TRAPPC3L: variants seen among roughly 807,000 people sequenced by gnomAD.
TRAPPC3L encodes the protein trafficking protein particle complex subunit 3L, also known as trafficking protein particle complex subunit 3-like protein.
A neutral mutation model predicts 23.7 loss-of-function variants in TRAPPC3L; 23 were observed. The observed-to-expected ratio is 0.97, with a 90% CI of 0.70 to 1.37. The LOEUF (loss-of-function observed/expected upper bound fraction) is 1.37. Ranked by LOEUF, TRAPPC3L falls within the 40% of genes most tolerant of loss-of-function variation. The pLI, the probability that TRAPPC3L is intolerant of heterozygous loss-of-function variation, is 0.00. For synonymous variants in TRAPPC3L, 81 were observed against 77.9 expected (o/e 1.04, Z -0.21); for missense variants, 212 against 216.8 (o/e 0.98, Z 0.14).
intron 3 of TRAPPC3L, among the ~76,000 whole-genome samples, chr6:116,531,357 C>A (rs1772712802): frequency 6.6e-6 from 1 of 151,806 alleles, no homozygotes; most frequent in African/African-American, 2.4e-5. Flanking sequence ...CTGTGAAACA[C>A]CAGAAGCAGT....
At chr6:116,523,315 T>A (rs1772379151) in intron 3 of TRAPPC3L, 1 of 152,224 alleles carries the variant, frequency 6.6e-6, no homozygotes, top group South Asian at 2.1e-4. Flanking sequence ...TTACTTCACA[T>A]AAGTTTTACA....
At chr6:116,526,830 A>C (rs575885849) in intron 3 of TRAPPC3L, among the ~76,000 whole-genome samples, 1 of 152,334 alleles carries the variant, frequency 6.6e-6, no homozygotes, top group Non-Finnish European at 1.5e-5. Flanking sequence ...AATAAATAGC[A>C]AAGCTATTGC....
chr6:116,537,555 G>A (rs1467014227), intron 3 of TRAPPC3L, among the ~76,000 whole-genome samples: 2 of 151,810 alleles, frequency 1.3e-5, no homozygotes, highest in African/African-American at 2.4e-5. Context: ...TTTCTTACTC[G>A]ATTCCTCTTC....
chr6:116,540,187 G>A (rs1260846921), intron 3 of TRAPPC3L, among the ~76,000 whole-genome samples, 176 bp downstream of exon 3: 1 of 152,136 alleles, frequency 6.6e-6, no homozygotes, highest in Non-Finnish European at 1.5e-5. Flanking sequence ...GCATCTTTCA[G>A]TTCACAGTAG....
At chr6:116,515,995 C>T in intron 3 of TRAPPC3L, 1 of 1,578,572 alleles carries the variant, frequency 6.3e-7, no homozygotes. Flanking sequence ...TGTAGCTCAT[C>T]CACCATCAAT....
At chr6:116,532,755 T>C (rs1430980250) in intron 3 of TRAPPC3L, among the ~76,000 whole-genome samples, 4 of 152,188 alleles carry the variant, frequency 2.6e-5, no homozygotes, top group Non-Finnish European at 5.9e-5. Context: ...CACGATAAAA[T>C]TGAATCTCAC....
At chr6:116,544,797 T>G (rs1773673858) in intron 1 of TRAPPC3L, among the ~76,000 whole-genome samples, 1 of 152,052 alleles carries the variant, frequency 6.6e-6, no homozygotes, top group African/African-American at 2.4e-5. Context: ...ACACCAAGTC[T>G]GAAATTACTT....
chr6:116,498,479 C>T (rs1488596275), intron 4 of TRAPPC3L, among the ~76,000 whole-genome samples: 1 of 152,188 alleles, frequency 6.6e-6, no homozygotes, highest in Non-Finnish European at 1.5e-5. Flanking sequence ...TACATGCATG[C>T]CTCATTATTA....
chr6:116,527,205 T>C (rs1772454845), intron 3 of TRAPPC3L, among the ~76,000 whole-genome samples: 1 of 152,192 alleles, frequency 6.6e-6, no homozygotes, highest in Non-Finnish European at 1.5e-5. Flanking sequence ...GTTCAACTCC[T>C]TGGGTCTCCA....
rs74655702 is a variant in TRAPPC3L, at chr6:116,538,160, T to C, written c.240+2203A>G. ...TGATTAAAATGAATATGTGGAATTA[T>C]CTCTTCTGAGTCTCTTCAGAAGCTT... On this transcript the variant is annotated intron_variant, in intron 3 of 4. Coordinates refer to ENST00000368602, the MANE Select transcript of TRAPPC3L (RefSeq NM_001139444.3). Among the ~76,000 whole-genome samples, 593 of 152,364 alleles carry C rather than the reference T, an allele frequency of 3.9e-3. 4 individuals carry two copies. Among genetic ancestry groups the C allele is most frequent in the Non-Finnish European group, 6.5e-3 (441 of 68,032 alleles).
At chr6:116,501,537 C>T (rs1292705559) in intron 3 of TRAPPC3L, among the ~76,000 whole-genome samples, 1 of 152,212 alleles carries the variant, frequency 6.6e-6, no homozygotes, top group Non-Finnish European at 1.5e-5. Context: ...GGTGTTTGAG[C>T]TCCGATAACA....
At chr6:116,540,338 T>G (rs1773358738) in intron 3 of TRAPPC3L, 25 bp downstream of exon 3, 1 of 1,543,142 alleles carries the variant, frequency 6.5e-7, no homozygotes, top group Non-Finnish European at 8.8e-7. Flanking sequence ...TCAAAACATA[T>G]TGACAGAGAT....
intron 3 of TRAPPC3L, among the ~76,000 whole-genome samples, chr6:116,531,131 G>A (rs1394620054): frequency 2.6e-5 from 4 of 151,910 alleles, no homozygotes; most frequent in African/African-American, 9.7e-5. Context: ...TTGTGAGCCT[G>A]GACAGTCAGT....
Position 116,495,267 on chromosome 6 carries a change from G to A in TRAPPC3L, c.*1687C>T. 6.6e-6 allele frequency: 1 copy of A among 151,866 alleles called. No individual in the cohort carries two copies. Among genetic ancestry groups the A allele is most frequent in the East Asian group, 1.9e-4 (1 of 5,178 alleles). 9.4% of individuals were successfully genotyped at this position (151,866 alleles called of 1,614,324 possible). A position where few individuals can be genotyped will look rare whatever the true frequency, so the allele number is the denominator to read the frequency against. ...CTACAAATAAATGAGAACATGCAAAGTCTGTCTTTCTGTCCTGACATATTT... is the reference window on the plus strand; with the variant it reads ...CTACAAATAAATGAGAACATGCAAAATCTGTCTTTCTGTCCTGACATATTT... On this transcript the variant is annotated 3_prime_UTR_variant, in exon 5 of 5. Transcript: ENST00000368602.
chr6:116,515,788 A>G (rs746769111), intron 3 of TRAPPC3L: 55 of 1,613,884 alleles, frequency 3.4e-5, no homozygotes, highest in Non-Finnish European at 4.7e-5. Context: ...GGAACCTGAA[A>G]TGTTTTTTTG....
At position 116,535,917 on chromosome 6, in the gene TRAPPC3L, T is replaced by C. The variant is rs78653537; in HGVS notation, c.240+4446A>G. On this transcript the variant is annotated intron_variant, in intron 3 of 4. Coordinates refer to ENST00000368602, the MANE Select transcript of TRAPPC3L (RefSeq NM_001139444.3). ...TAGCAGATAAGTCTCAATTATTCTA[T>C]CAGTAAAATGGGGCTAATGATAGAT... Among the ~76,000 whole-genome samples the C allele has an allele frequency of 5.8e-4, 89 of 152,332 alleles. 3 individuals are homozygous for C. The East Asian group carries it at 0.013, about 22-fold the overall frequency.
intron 3 of TRAPPC3L, among the ~76,000 whole-genome samples, chr6:116,538,436 T>C (rs1288227596): frequency 1.3e-5 from 2 of 152,250 alleles, no homozygotes; most frequent in South Asian, 2.1e-4. Flanking sequence ...TTTCAACAGA[T>C]ATTTTTTGTT....
intron 3 of TRAPPC3L, among the ~76,000 whole-genome samples, chr6:116,514,258 C>T (rs1438281206): frequency 1.3e-5 from 2 of 152,080 alleles, no homozygotes; most frequent in African/African-American, 2.4e-5. Flanking sequence ...GGAACTGGCT[C>T]AGGTACTGAG....
At chr6:116,497,486 T>C (rs1771848908) in intron 4 of TRAPPC3L, among the ~76,000 whole-genome samples, 1 of 152,232 alleles carries the variant, frequency 6.6e-6, no homozygotes, top group Non-Finnish European at 1.5e-5. Context: ...CCATAAATCA[T>C]TCTGTCATTA....
Sources: allele counts gnomAD v4.1 joint callset (sites outside exome capture counted in the v4.1 genomes callset), GRCh38; gene constraint gnomAD v4.1.1; transcripts MANE v1.5; gene names NCBI Gene and HGNC (gene_info 2026-07-23, HGNC 2026-07-21).